FAM13C: variants seen among roughly 807,000 people sequenced by gnomAD.
FAM13C encodes protein FAM13C.
A neutral mutation model predicts 73.2 loss-of-function variants in FAM13C; 37 were observed. The ratio of observed to expected loss-of-function variants is 0.51; its 90% CI spans 0.39 to 0.67. The LOEUF (loss-of-function observed/expected upper bound fraction) is 0.67, where lower values mean the gene tolerates loss of function less well. FAM13C is among the 30% of genes least tolerant of loss of function. The pLI, the probability that FAM13C is intolerant of heterozygous loss-of-function variation, is 0.00. For synonymous variants in FAM13C, 246 were observed against 260.9 expected (o/e 0.94, Z 0.55); for missense variants, 589 against 715.6 (o/e 0.82, Z 2.02).
intron 5 of FAM13C, among the ~76,000 whole-genome samples, chr10:59,299,511 CT>C (rs58591438): frequency 0.057 from 7,819 of 136,810 alleles, 581 homozygotes; most frequent in African/African-American, 0.19. Flanking sequence ...CCCAATATGG[CT>C]TTTTTTTTTT....
intron 3 of FAM13C, among the ~76,000 whole-genome samples, chr10:59,344,260 C>T (rs1166159185): frequency 6.7e-6 from 1 of 149,022 alleles, no homozygotes; most frequent in African/African-American, 2.5e-5. Context: ...CCGCGCCCGG[C>T]CTCTATAAAC....
At chr10:59,361,159 C>G (rs1856367473) in intron 1 of FAM13C, 1 of 1,218,468 alleles carries the variant, frequency 8.2e-7, no homozygotes, top group African/African-American at 1.6e-5. Flanking sequence ...ATCTTATAAA[C>G]AGAATGTGGG....
intron 3 of FAM13C, among the ~76,000 whole-genome samples, chr10:59,350,267 T>C (rs1854856518): frequency 6.6e-6 from 1 of 152,230 alleles, no homozygotes. Flanking sequence ...TACCTGTGTA[T>C]GAGCAACAGG....
rs933080663 is a variant in FAM13C at position 59,252,832 on chromosome 10, G to A, written c.1499C>T (p.Ala500Val). The change falls in exon 12 of 14, where the codon GCT (alanine) becomes GTT (valine). Residue 500 changes from alanine (A) to valine (V), a missense_variant. Physicochemically the swap from Ala to Val is moderately conservative, Grantham distance 64. Transcript: ENST00000618804. ...PDEKKEVKPP[A>V]LSMSNLHEAT... is the part of the protein sequence containing the mutation. ...CTCATGTAAATTAGACATGGAGAGA[G>A]CTGGTGGTTTTACTTCTTTCTTTTC... 2 of 1,613,934 alleles carry A rather than the reference G, an allele frequency of 1.2e-6. No individual in the cohort carries two copies. The highest frequency in any genetic ancestry group is 1.7e-6 in the Non-Finnish European group (2 of 1,179,986).
chr10:59,256,359 G>A (rs1024737640), intron 10 of FAM13C, among the ~76,000 whole-genome samples: 3 of 151,980 alleles, frequency 2.0e-5, no homozygotes, highest in Non-Finnish European at 4.4e-5. Flanking sequence ...TGATTTGAAT[G>A]TATTCCCCAG....
chr10:59,317,250 A>G (rs1849649345), intron 4 of FAM13C, among the ~76,000 whole-genome samples: 1 of 152,114 alleles, frequency 6.6e-6, no homozygotes, highest in East Asian at 1.9e-4. Flanking sequence ...GAAGCTGAAG[A>G]GTAAGTTAAA....
intron 8 of FAM13C, among the ~76,000 whole-genome samples, chr10:59,266,000 G>A (rs1057407984): frequency 1.3e-5 from 2 of 152,186 alleles, no homozygotes; most frequent in South Asian, 2.1e-4. Context: ...AAGTGCCATT[G>A]TATGAGATTT....
In FAM13C at chr10:59,355,875, G is replaced by C; in HGVS notation, c.119+12C>G. ...CTCTCACAAATATGAACCAAGCAATGGTGGCTTTTACCTGAGACTGGAGCA... is the reference window on the plus strand; with the variant it reads ...CTCTCACAAATATGAACCAAGCAATCGTGGCTTTTACCTGAGACTGGAGCA... On this transcript the variant is annotated intron_variant, in intron 2 of 13. Transcript: ENST00000618804. The C allele has an allele frequency of 1.2e-6, 2 of 1,613,454 alleles. No individual in the cohort carries two copies. Among genetic ancestry groups the C allele is most frequent in the South Asian group, 1.1e-5 (1 of 91,050 alleles).
At chr10:59,355,721 C>T (rs1279927057) in intron 2 of FAM13C, among the ~76,000 whole-genome samples, 166 bp downstream of exon 2, 1 of 151,796 alleles carries the variant, frequency 6.6e-6, no homozygotes, top group Non-Finnish European at 1.5e-5. Flanking sequence ...TATCCAAAAG[C>T]GGAAAAGACA....
intron 3 of FAM13C, among the ~76,000 whole-genome samples, chr10:59,342,140 T>C (rs548627576): frequency 1.3e-5 from 2 of 152,190 alleles, no homozygotes; most frequent in Non-Finnish European, 2.9e-5. Flanking sequence ...AGCAGTATCC[T>C]ATGGGAAGGT....
intron 11 of FAM13C, 43 bp downstream of exon 11, chr10:59,254,305 A>G: frequency 7.6e-7 from 1 of 1,310,948 alleles, no homozygotes; most frequent in Non-Finnish European, 1.1e-6. Context: ...CCTGTTAACT[A>G]CACATCAGTA....
At chr10:59,258,345 T>C (rs145913320) in intron 10 of FAM13C, among the ~76,000 whole-genome samples, 189 of 152,232 alleles carry the variant, frequency 1.2e-3, no homozygotes, top group African/African-American at 4.4e-3. Context: ...CAACCAGGCA[T>C]GGTGGTGCAC....
chr10:59,274,615 G>T (rs1844118418), intron 6 of FAM13C, among the ~76,000 whole-genome samples: 1 of 152,162 alleles, frequency 6.6e-6, no homozygotes, highest in Admixed American at 6.6e-5. Flanking sequence ...GAGGCAGTTT[G>T]CCATAATGGA....
intron 4 of FAM13C, among the ~76,000 whole-genome samples, chr10:59,303,981 C>T (rs191365457): frequency 8.5e-5 from 13 of 152,170 alleles, no homozygotes; most frequent in Admixed American, 7.2e-4. Flanking sequence ...AACCCTGTCT[C>T]TACTAAAAGT....
intron 4 of FAM13C, among the ~76,000 whole-genome samples, chr10:59,311,347 G>A (rs1250253871): frequency 3.1e-4 from 47 of 152,192 alleles, no homozygotes; most frequent in Non-Finnish European, 7.3e-5. Flanking sequence ...GAGGACACAG[G>A]ATCCAGCAGG....
chr10:59,332,616 C>A (rs1227555407), intron 3 of FAM13C, among the ~76,000 whole-genome samples: 1 of 152,280 alleles, frequency 6.6e-6, no homozygotes, highest in Admixed American at 6.5e-5. Context: ...AATAGTATGA[C>A]TTCTGTCTTG....
chr10:59,270,730 A>T (rs1364292149), intron 6 of FAM13C, among the ~76,000 whole-genome samples: 1 of 152,258 alleles, frequency 6.6e-6, no homozygotes, highest in African/African-American at 2.4e-5. Context: ...ATACGTTTAT[A>T]TGTACAAATA....
At chr10:59,299,336 A>C (rs1405195923) in intron 5 of FAM13C, among the ~76,000 whole-genome samples, 1 of 149,386 alleles carries the variant, frequency 6.7e-6, no homozygotes, top group Admixed American at 6.6e-5. Context: ...AGAGTTAGAA[A>C]TGCGGAAGCA....
chr10:59,254,227 A>G (rs904324352), intron 11 of FAM13C, 121 bp downstream of exon 11: 8 of 580,112 alleles, frequency 1.4e-5, no homozygotes, highest in Admixed American at 1.3e-4. Context: ...TGAAATGACA[A>G]CTAGCCTTGT....
Sources: gnomAD v4.1 joint callset for allele counts (sites outside exome capture counted in the v4.1 genomes callset) on GRCh38, gnomAD v4.1.1 for gene constraint, MANE v1.5 for transcripts, NCBI Gene and HGNC (gene_info 2026-07-23, HGNC 2026-07-21) for gene names.